The following PRKN variants were observed in gnomAD, a reference collection of about 807,000 sequenced individuals.
PRKN encodes E3 ubiquitin-protein ligase parkin.
In PRKN, 56 loss-of-function variants were observed where a neutral mutation model predicts 59.5. The ratio of observed to expected loss-of-function variants is 0.94; its 90% confidence interval spans 0.76 to 1.18. The LOEUF is 1.18. Among genes scored for constraint, PRKN ranks in the 50% most tolerant of loss-of-function variants. PRKN has a pLI of 0.00. For missense variants in PRKN, 657 were observed against 596.4 expected, an observed-to-expected ratio of 1.10 and a Z score of -1.06; for synonymous variants, 250 against 222.1, an observed-to-expected ratio of 1.13 and a Z score of -1.12.
Position 161,390,933 on chromosome 6 carries a change from A to G in PRKN, c.1084-4056T>C, listed in dbSNP as rs1353134905. Among the ~76,000 whole-genome samples, 1 of 152,180 alleles carries G rather than the reference A, an allele frequency of 6.6e-6. No individual in the cohort carries two copies. The highest frequency in any genetic ancestry group is 1.5e-5 in the Non-Finnish European group (1 of 68,050). On this transcript the variant is annotated intron_variant, in intron 9 of 11. Transcript: ENST00000366898. This position sits in a 1 kb window ranked among gnomAD's most constrained non-coding sequence, Gnocchi z 7.0. The stretch of plus-strand genomic sequence containing the variant: ...AAAACCTTTCATAACCACAACTGTT[A>G]GGCATTTCTTTTGGCCTAGAAATAC...
intron 3 of PRKN, among the ~76,000 whole-genome samples, chr6:162,255,162 G>C (rs1583274358): frequency 6.6e-6 from 1 of 151,968 alleles, no homozygotes; most frequent in East Asian, 1.9e-4. Flanking sequence ...GTAACCTGAC[G>C]TCTCCCAAGT....
chr6:161,925,209 C>A (rs567780340), intron 6 of PRKN, among the ~76,000 whole-genome samples: 1 of 152,184 alleles, frequency 6.6e-6, no homozygotes, highest in South Asian at 2.1e-4. Flanking sequence ...TTATGATGGG[C>A]TAATATAAAA....
rs1269847325 is a variant in PRKN, at chr6:161,395,394, C to T, written c.1084-8517G>A. On this transcript the variant is annotated intron_variant, in intron 9 of 11. Transcript: ENST00000366898. This position sits in a 1 kb window ranked among gnomAD's most constrained non-coding sequence, Gnocchi z 5.0. The stretch of plus-strand genomic sequence containing the variant: ...CAGCCCCTCCGATCAGCATTTAGGT[C>T]CTTCCAATATTTTGCCATGACAAAC... Among the ~76,000 whole-genome samples the T allele has an allele frequency of 2.6e-5, 4 of 152,172 alleles. No homozygotes were observed. The highest frequency in any genetic ancestry group is 2.0e-4 in the Admixed American group (3 of 15,276).
intron 8 of PRKN, among the ~76,000 whole-genome samples, chr6:161,558,396 G>T (rs761393): frequency 0.66 from 100,517 of 151,566 alleles, 33,681 homozygotes; most frequent in African/African-American, 0.76. Context: ...ACCCCATTTC[G>T]ACAAAAAATT....
chr6:161,352,771 A>ATATTT lies in PRKN; in HGVS notation c.1286-2561_1286-2560insAAATA, dbSNP rs34279714. 1.7e-5 allele frequency among the ~76,000 whole-genome samples: 2 copies of ATATTT among 116,900 alleles called. No individual in the cohort carries two copies. Among genetic ancestry groups the ATATTT allele is most frequent in the African/African-American group, 5.8e-5 (2 of 34,428 alleles). 76.7% of individuals were successfully genotyped at this position (116,900 alleles called of 152,430 possible). On this transcript the variant is annotated intron_variant, in intron 11 of 11. Transcript: ENST00000366898. The surrounding 1 kb of genome is among the most constrained non-coding windows in gnomAD (Gnocchi z 5.8). The stretch of plus-strand genomic sequence containing the variant: ...TGTGTGTGTGTATATATATATATAT[A>ATATTT]TTTTATTTTATTTTATTTTATTTTT...
At position 161,970,695 on chromosome 6, in the gene PRKN, G is replaced by A. The variant is rs112794603; in HGVS notation, c.734+2607C>T. On this transcript the variant is annotated intron_variant, in intron 6 of 11. Coordinates refer to ENST00000366898, the MANE Select transcript of PRKN (RefSeq NM_004562.3). ...TGGGACTACAGGCATGTGCCACTAC[G>A]CCTGGCTAATTTTTCTATTTTTAGT... 1.6e-3 allele frequency among the ~76,000 whole-genome samples: 247 copies of A among 151,798 alleles called. 1 individual carries two copies. The highest frequency in any genetic ancestry group is 5.6e-3 in the African/African-American group (233 of 41,416).
At chr6:162,662,885 C>T (rs573880064) in intron 1 of PRKN, among the ~76,000 whole-genome samples, 97 of 152,082 alleles carry the variant, frequency 6.4e-4, no homozygotes, top group Middle Eastern at 3.4e-3. Context: ...TTCTGTTGCA[C>T]ACTGTAGAGA....
chr6:162,691,574 T>C (rs374190630), intron 1 of PRKN, among the ~76,000 whole-genome samples: 3 of 152,200 alleles, frequency 2.0e-5, no homozygotes, highest in African/African-American at 7.2e-5. Flanking sequence ...CTCAAGAAGT[T>C]TGAATAACCC....
intron 10 of PRKN, among the ~76,000 whole-genome samples, chr6:161,382,482 C>T (rs1241323394): frequency 3.3e-5 from 5 of 152,214 alleles, no homozygotes; most frequent in Admixed American, 6.5e-5. Context: ...CTGGAAGTCT[C>T]AGTCTGCACT....
At chr6:161,408,692 T>A (rs4708906) in intron 9 of PRKN, among the ~76,000 whole-genome samples, 41,864 of 151,870 alleles carry the variant, frequency 0.28, 6,923 homozygotes, top group East Asian at 0.83. Context: ...GTTGTGGGAA[T>A]GCTGTTGGTG....
At chr6:161,949,372 A>C (rs1779900715) in intron 6 of PRKN, among the ~76,000 whole-genome samples, 1 of 152,058 alleles carries the variant, frequency 6.6e-6, no homozygotes, top group South Asian at 2.1e-4. Flanking sequence ...TTAGCCGGGC[A>C]TTGTGGCAGG....
At chr6:161,639,446 C>T (rs571938108) in intron 7 of PRKN, among the ~76,000 whole-genome samples, 1 of 152,300 alleles carries the variant, frequency 6.6e-6, no homozygotes, top group South Asian at 2.1e-4. Context: ...CACTCCTGGC[C>T]TCGCCTGTAC....
chr6:161,603,743 G>A (rs1431829774), intron 7 of PRKN, among the ~76,000 whole-genome samples: 1 of 152,144 alleles, frequency 6.6e-6, no homozygotes, highest in African/African-American at 2.4e-5. Context: ...GAACCCATGT[G>A]GGACAAAATT....
intron 2 of PRKN, among the ~76,000 whole-genome samples, chr6:162,393,155 C>CTT (rs1177332315): frequency 0.013 from 1,002 of 80,122 alleles, 112 homozygotes; most frequent in Non-Finnish European, 0.017. Context: ...ATAGGAGATT[C>CTT]TTTTTTTTTT....
At chr6:162,684,106 C>T (rs949170411) in intron 1 of PRKN, among the ~76,000 whole-genome samples, 1 of 152,058 alleles carries the variant, frequency 6.6e-6, no homozygotes, top group Non-Finnish European at 1.5e-5. Context: ...TTGATTTACC[C>T]TCATCATTGT....
chr6:162,056,305 CCACGCACA>C lies in PRKN; in HGVS notation c.535-2139_535-2132del, dbSNP rs1001868377. Among the ~76,000 whole-genome samples the C allele has an allele frequency of 1.3e-4, 20 of 151,494 alleles. No individual in the cohort carries two copies. The highest frequency in any genetic ancestry group is 3.9e-4 in the East Asian group (2 of 5,168). ...GACACACCACACATGCATAAACACA[CCACGCACA>C]CACGCACACACACACAATACCACAC... On this transcript the variant is annotated intron_variant, in intron 4 of 11. Coordinates refer to ENST00000366898, the MANE Select transcript of PRKN (RefSeq NM_004562.3). This position sits in a 1 kb window ranked among gnomAD's most constrained non-coding sequence, Gnocchi z 4.9.
At chr6:162,514,609 C>T (rs1777767334) in intron 1 of PRKN, among the ~76,000 whole-genome samples, 1 of 152,124 alleles carries the variant, frequency 6.6e-6, no homozygotes, top group Non-Finnish European at 1.5e-5. Context: ...GCCAGTATTG[C>T]ACAGGAGGAG....
chr6:162,563,176 C>A, intron 1 of PRKN, among the ~76,000 whole-genome samples: 1 of 152,168 alleles, frequency 6.6e-6, no homozygotes, highest in East Asian at 1.9e-4. Flanking sequence ...TAGTGGTGGG[C>A]GCCTGTAGTC....
chr6:161,389,935 T>C lies in PRKN; in HGVS notation c.1084-3058A>G, dbSNP rs79742090. Among the ~76,000 whole-genome samples the C allele has an allele frequency of 3.8e-3, 572 of 152,240 alleles. 4 individuals are homozygous for C. The highest frequency in any genetic ancestry group is 0.013 in the African/African-American group (541 of 41,544). ...CACCAGTACTACAAAGAATGGACTATTGAGAAATAAGAGAAAGGGAAGAGC... is the reference window on the plus strand; with the variant it reads ...CACCAGTACTACAAAGAATGGACTACTGAGAAATAAGAGAAAGGGAAGAGC... On this transcript the variant is annotated intron_variant, in intron 9 of 11. Transcript: ENST00000366898.
Sources: allele counts gnomAD v4.1 joint callset (sites outside exome capture counted in the v4.1 genomes callset), GRCh38; gene constraint gnomAD v4.1.1; non-coding constraint Gnocchi (gnomAD v3.1); transcripts MANE v1.5; gene names NCBI Gene and HGNC (gene_info 2026-07-23, HGNC 2026-07-21).